Variants in SLC9D1 observed in about 807,000 individuals in gnomAD.
SLC9D1 encodes the protein putative LAG1-interacting protein.
At chr13:113,547,137 G>T in the SLC9D1 span, 1 of 633,984 alleles carries the variant, frequency 1.6e-6, no homozygotes, top group Non-Finnish European at 2.8e-6. Flanking sequence ...CTCAGGAAAG[G>T]GGCGGCTTTT....
chr13:113,537,257 A>G, the SLC9D1 span, among the ~76,000 whole-genome samples: 1 of 152,190 alleles, frequency 6.6e-6, no homozygotes, highest in Non-Finnish European at 1.5e-5. Flanking sequence ...AGCCTTCAAA[A>G]TGTTTTGCCA....
the SLC9D1 span, among the ~76,000 whole-genome samples, chr13:113,515,484 C>T: frequency 6.6e-6 from 1 of 152,206 alleles, no homozygotes; most frequent in Non-Finnish European, 1.5e-5. Context: ...AGACGCAGGG[C>T]AGTCGGCTGC....
the SLC9D1 span, among the ~76,000 whole-genome samples, chr13:113,522,907 G>A: frequency 6.6e-6 from 1 of 152,196 alleles, no homozygotes; most frequent in African/African-American, 2.4e-5. Context: ...TGGGATTACA[G>A]GCATGAGCCA....
chr13:113,547,915 A>C, the SLC9D1 span, among the ~76,000 whole-genome samples: 1 of 100,494 alleles, frequency 1.0e-5, no homozygotes, highest in Admixed American at 9.3e-5. Flanking sequence ...CGGCCCAAAG[A>C]CACACCACCA....
chr13:113,549,499 G>A, the SLC9D1 span: 125 of 1,614,050 alleles, frequency 7.7e-5, no homozygotes, highest in Admixed American at 1.5e-4. Context: ...CTGCAATCAC[G>A]AGGTGTGTGC....
the SLC9D1 span, chr13:113,548,301 A>AGTT: frequency 1.2e-6 from 2 of 1,613,848 alleles, no homozygotes; most frequent in African/African-American, 2.7e-5. Flanking sequence ...CCGCTCTTGC[A>AGTT]GTTTCTCCTG....
chr13:113,532,955 G>A, the SLC9D1 span, among the ~76,000 whole-genome samples: 1 of 54,670 alleles, frequency 1.8e-5, no homozygotes, highest in Non-Finnish European at 3.5e-5. Flanking sequence ...TCCTGAAGTC[G>A]CAGACGTGGG....
At chr13:113,536,628 C>A in the SLC9D1 span, 1 of 975,294 alleles carries the variant, frequency 1.0e-6, no homozygotes, top group Non-Finnish European at 1.2e-6. Context: ...GCCCGGCTCT[C>A]AGGTTTTCTC....
chr13:113,520,591 G>A, the SLC9D1 span: 5 of 1,570,496 alleles, frequency 3.2e-6, no homozygotes, highest in African/African-American at 5.4e-5. Flanking sequence ...TCGTAGACCT[G>A]TCTTCAATGC....
At chr13:113,505,750 G>T in the SLC9D1 span, 1 of 152,114 alleles carries the variant, frequency 6.6e-6, no homozygotes. Context: ...TCTTTTAAAG[G>T]CTTGTGTTTA....
At chr13:113,520,658 C>T in the SLC9D1 span, 45 of 1,613,926 alleles carry the variant, frequency 2.8e-5, no homozygotes, top group Admixed American at 5.0e-5. Context: ...ATGCTGGTGA[C>T]GCAGGACGTG....
the SLC9D1 span, chr13:113,498,413 T>A: frequency 6.3e-7 from 1 of 1,583,554 alleles, no homozygotes. Context: ...ATATGCAACA[T>A]CAAAACCAAA....
At chr13:113,494,067 A>G in the SLC9D1 span, among the ~76,000 whole-genome samples, 1 of 152,252 alleles carries the variant, frequency 6.6e-6, no homozygotes, top group South Asian at 2.1e-4. Flanking sequence ...AAGTATAGAT[A>G]TATAGATACA....
At chr13:113,503,385 A>T in the SLC9D1 span, 8 of 474,812 alleles carry the variant, frequency 1.7e-5, no homozygotes, top group Non-Finnish European at 2.7e-5. Flanking sequence ...GTGTGTGTGT[A>T]TGTGTGTTTT....
chr13:113,526,694 G>A, the SLC9D1 span, among the ~76,000 whole-genome samples: 233 of 152,344 alleles, frequency 1.5e-3, no homozygotes, highest in African/African-American at 5.5e-3. Context: ...TCTCCAGCCT[G>A]GACAACACAG....
the SLC9D1 span, among the ~76,000 whole-genome samples, chr13:113,522,561 C>T: frequency 2.0e-5 from 3 of 152,062 alleles, no homozygotes; most frequent in Non-Finnish European, 4.4e-5. Flanking sequence ...AGGATGGTCT[C>T]GATCTCCTGA....
chr13:113,499,349 A>T, the SLC9D1 span, among the ~76,000 whole-genome samples: 1 of 152,038 alleles, frequency 6.6e-6, no homozygotes, highest in African/African-American at 2.4e-5. Flanking sequence ...CTCCTGTCTC[A>T]CCCTGTGACT....
the SLC9D1 span, among the ~76,000 whole-genome samples, chr13:113,517,660 C>G: frequency 3.3e-5 from 5 of 152,128 alleles, no homozygotes; most frequent in Admixed American, 1.3e-4. Context: ...TGGTCAAAAA[C>G]GGCAAGTCGC....
the SLC9D1 span, chr13:113,549,484 G>T: frequency 6.2e-7 from 1 of 1,614,014 alleles, no homozygotes; most frequent in Non-Finnish European, 8.5e-7. Context: ...CGGTGCTGTG[G>T]AGAGCTGCAA....
Sources: gnomAD v4.1 joint callset for allele counts (sites outside exome capture counted in the v4.1 genomes callset) on GRCh38, gnomAD v4.1.1 for gene constraint, MANE v1.5 for transcripts, NCBI Gene and HGNC (gene_info 2026-07-23, HGNC 2026-07-21) for gene names.